Variants in ALDH1A2 observed in about 807,000 individuals in gnomAD.
ALDH1A2 encodes aldehyde dehydrogenase 1 family member A2.
A neutral mutation model predicts 60.3 loss-of-function variants in ALDH1A2; 27 were observed. That is an observed-to-expected ratio of 0.45 (90% CI 0.33 to 0.62). The LOEUF (loss-of-function observed/expected upper bound fraction) is 0.62, where lower values mean the gene tolerates loss of function less well. Ranked by LOEUF, ALDH1A2 falls within the 20% of genes least tolerant of loss-of-function variation. ALDH1A2 has a pLI of 0.02. For synonymous variants in ALDH1A2, 289 were observed against 232.4 expected (o/e 1.24, Z -2.21); for missense variants, 581 against 643.8 (o/e 0.90, Z 1.06).
rs1043177502 is a variant in ALDH1A2 at position 58,024,199 on chromosome 15, A to C, written c.118-9918T>G. Among the ~76,000 whole-genome samples, 4 of 152,202 alleles carry C rather than the reference A, an allele frequency of 2.6e-5. No homozygotes were observed. The South Asian group carries it at 8.3e-4, about 31-fold the overall frequency. On this transcript the variant is annotated intron_variant, in intron 1 of 12. Coordinates refer to ENST00000249750, the MANE Select transcript of ALDH1A2 (RefSeq NM_003888.4). The stretch of plus-strand genomic sequence containing the variant: ...GAAAAGACTCAAATGGTACCACTAC[A>C]GGAATCCAAACTACAGTGTAAACAA...
At chr15:57,974,781 C>T (rs1404830094) in intron 7 of ALDH1A2, among the ~76,000 whole-genome samples, 1 of 152,140 alleles carries the variant, frequency 6.6e-6, no homozygotes, top group East Asian at 1.9e-4. Flanking sequence ...AACTGGACAT[C>T]AAAATTAAAA....
intron 1 of ALDH1A2, among the ~76,000 whole-genome samples, chr15:58,061,312 T>C (rs4646561): frequency 0.064 from 9,703 of 151,880 alleles, 342 homozygotes; most frequent in East Asian, 0.12. Flanking sequence ...TATTAACATG[T>C]AGTTTGACTG....
chr15:58,031,231 C>G lies in ALDH1A2; in HGVS notation c.118-16950G>C, dbSNP rs565334931. Among the ~76,000 whole-genome samples the G allele has an allele frequency of 3.0e-4, 46 of 152,264 alleles. 1 individual carries two copies. The East Asian group carries it at 8.1e-3, about 27-fold the overall frequency. On this transcript the variant is annotated intron_variant, in intron 1 of 12. Coordinates refer to ENST00000249750, the MANE Select transcript of ALDH1A2 (RefSeq NM_003888.4). ...CACCACACATCTACAACCATCTGAT[C>G]TTTGACAAACCTGACAAAAACAAGA...
At chr15:58,014,892 G>C (rs534407705) in intron 1 of ALDH1A2, among the ~76,000 whole-genome samples, 1 of 152,154 alleles carries the variant, frequency 6.6e-6, no homozygotes, top group East Asian at 1.9e-4. Flanking sequence ...TAGCAAGTGG[G>C]GTGTAATTTT....
intron 7 of ALDH1A2, among the ~76,000 whole-genome samples, chr15:57,982,454 T>C (rs974432605): frequency 1.3e-5 from 2 of 152,216 alleles, no homozygotes; most frequent in African/African-American, 4.8e-5. Context: ...AGAGTTGTGA[T>C]ATACTATTCT....
intron 4 of ALDH1A2, among the ~76,000 whole-genome samples, chr15:57,996,350 G>C (rs1895061169): frequency 6.6e-6 from 1 of 150,460 alleles, no homozygotes; most frequent in Non-Finnish European, 1.5e-5. Context: ...TCTATCCTCT[G>C]GATCTCTGAT....
At chr15:57,993,910 C>G (rs1894971242) in intron 5 of ALDH1A2, among the ~76,000 whole-genome samples, 1 of 152,200 alleles carries the variant, frequency 6.6e-6, no homozygotes, top group African/African-American at 2.4e-5. Flanking sequence ...CTGGCTCTGG[C>G]AAGCTTGCAA....
At chr15:57,955,677 C>T (rs989010103) in intron 12 of ALDH1A2, among the ~76,000 whole-genome samples, 6 of 152,098 alleles carry the variant, frequency 3.9e-5, no homozygotes, top group African/African-American at 7.2e-5. Flanking sequence ...GGTCTCTGAA[C>T]GCCTTGGCCA....
intron 5 of ALDH1A2, 150 bp downstream of exon 5, chr15:57,994,928 G>A: frequency 6.4e-6 from 5 of 778,504 alleles, no homozygotes; most frequent in Non-Finnish European, 1.1e-5. Flanking sequence ...GCATTTGCAG[G>A]GAGGCTGTTA....
chr15:57,981,197 T>C (rs1345572725), intron 7 of ALDH1A2, among the ~76,000 whole-genome samples: 1 of 151,918 alleles, frequency 6.6e-6, no homozygotes, highest in East Asian at 1.9e-4. Flanking sequence ...CTAAATCTAG[T>C]ACACTATTTT....
At chr15:58,054,703 C>T (rs1220216244) in intron 1 of ALDH1A2, among the ~76,000 whole-genome samples, 2 of 152,088 alleles carry the variant, frequency 1.3e-5, no homozygotes, top group Admixed American at 6.6e-5. Flanking sequence ...CCTCACACAT[C>T]CTCCCTCCCA....
intron 4 of ALDH1A2, among the ~76,000 whole-genome samples, chr15:58,001,747 C>T (rs1297867222): frequency 1.3e-5 from 2 of 151,868 alleles, no homozygotes; most frequent in African/African-American, 4.8e-5. Flanking sequence ...AAACAGTCTC[C>T]ACCCAAATTC....
intron 8 of ALDH1A2, 200 bp from the exon 9 acceptor site, chr15:57,964,269 T>C (rs1893824741): frequency 3.4e-6 from 2 of 596,220 alleles, no homozygotes; most frequent in East Asian, 5.7e-5. Flanking sequence ...TTCACTTCTT[T>C]GGGTCTCTTT....
At chr15:57,979,839 A>T (rs2140472989) in intron 7 of ALDH1A2, 1 of 275,016 alleles carries the variant, frequency 3.6e-6, no homozygotes, top group South Asian at 5.0e-5. Flanking sequence ...ACTTGGGGTC[A>T]CATATATGCT....
At chr15:57,982,408 G>T (rs148164031) in intron 7 of ALDH1A2, among the ~76,000 whole-genome samples, 1 of 152,174 alleles carries the variant, frequency 6.6e-6, no homozygotes, top group Non-Finnish European at 1.5e-5. Context: ...AAAAAGTGAT[G>T]ATTTCCTTTA....
Position 57,955,142 on chromosome 15 carries a change from G to C in ALDH1A2, c.*55C>G, listed in dbSNP as rs1893474779. The C allele has an allele frequency of 6.5e-7, 1 of 1,547,572 alleles. No individual in the cohort carries two copies. Among genetic ancestry groups the C allele is most frequent in the South Asian group, 1.1e-5 (1 of 89,692 alleles). On this transcript the variant is annotated 3_prime_UTR_variant, in exon 13 of 13. Transcript: ENST00000249750. ...ATTCCTGAGAGCTGGGCCCTACAGA[G>C]AAAGCAGAGAGGGACAGACGTGCAG...
intron 7 of ALDH1A2, among the ~76,000 whole-genome samples, chr15:57,976,134 G>T (rs1479052141): frequency 6.6e-6 from 1 of 152,106 alleles, no homozygotes; most frequent in Non-Finnish European, 1.5e-5. Flanking sequence ...AAAAACAAAG[G>T]AAACTACGTA....
intron 1 of ALDH1A2, among the ~76,000 whole-genome samples, chr15:58,039,850 C>T (rs748573570): frequency 6.6e-6 from 1 of 151,602 alleles, no homozygotes; most frequent in Non-Finnish European, 1.5e-5. Flanking sequence ...GTCCTAGCTC[C>T]CTAGAAGTCA....
In ALDH1A2 at chr15:58,065,607, T is replaced by A. The variant is rs1442727463; in HGVS notation, c.44A>T (p.Asp15Val). Residue 15 changes from aspartate to valine, a missense_variant, in exon 1 of 13, where the codon GAC becomes GTC. Transcript: ENST00000249750. The stretch of plus-strand genomic sequence containing the variant: ...CAGCGACGCCATGAGGGCGGCGGGG[T>A]CGGCCTTCACCTCGCCGGGCATCTC... ...KIEMPGEVKA[D>V]PAALMASLHL... 1.2e-6 allele frequency: 2 copies of A among 1,610,464 alleles called. No individual in the cohort carries two copies. The highest frequency in any genetic ancestry group is 1.7e-5 in the Admixed American group (1 of 59,732).
Sources: allele counts gnomAD v4.1 joint callset (sites outside exome capture counted in the v4.1 genomes callset), GRCh38; gene constraint gnomAD v4.1.1; transcripts MANE v1.5; gene names NCBI Gene and HGNC (gene_info 2026-07-23, HGNC 2026-07-21).